The following HPSE2 variants were observed in gnomAD, a reference collection of about 807,000 sequenced individuals.
HPSE2 encodes inactive heparanase-2.
Under a neutral mutation model 60.5 loss-of-function variants are expected in HPSE2, and 38 were observed. The observed-to-expected ratio is 0.63, with a 90% CI of 0.48 to 0.82. The LOEUF is 0.82. Ranked by LOEUF, HPSE2 falls within the 40% of genes least tolerant of loss-of-function variation. HPSE2 has a pLI of 0.00. For missense variants in HPSE2, 713 were observed against 740.4 expected (o/e 0.96, Z 0.43); for synonymous variants, 295 against 293.2 (o/e 1.01, Z -0.06).
chr10:98,758,568 A>C (rs1466549877), intron 3 of HPSE2, among the ~76,000 whole-genome samples: 1 of 152,200 alleles, frequency 6.6e-6, no homozygotes. Flanking sequence ...CATGGCCCAC[A>C]AGCATATAAA....
At chr10:98,918,276 C>T (rs1368833535) in intron 3 of HPSE2, among the ~76,000 whole-genome samples, 1 of 152,120 alleles carries the variant, frequency 6.6e-6, no homozygotes, top group Non-Finnish European at 1.5e-5. Flanking sequence ...TGTGGCGATT[C>T]CTCAGGGATC....
chr10:99,192,828 TCAGA>T (rs1848266974), intron 2 of HPSE2, among the ~76,000 whole-genome samples: 1 of 152,090 alleles, frequency 6.6e-6, no homozygotes. Context: ...AAAAACTTTC[TCAGA>T]CAAACAAATG....
chr10:98,632,007 A>G (rs915444014), intron 7 of HPSE2, among the ~76,000 whole-genome samples: 8 of 152,200 alleles, frequency 5.3e-5, no homozygotes, highest in African/African-American at 1.9e-4. Context: ...CTCCTTTGAA[A>G]GCCTTCCTAA....
intron 3 of HPSE2, among the ~76,000 whole-genome samples, chr10:98,955,815 A>T (rs958750763): frequency 6.6e-6 from 1 of 152,304 alleles, no homozygotes; most frequent in Non-Finnish European, 1.5e-5. Flanking sequence ...AGGGACATGG[A>T]TGGAGCTGGA....
intron 9 of HPSE2, among the ~76,000 whole-genome samples, chr10:98,564,547 G>T (rs922287834): frequency 2.0e-5 from 3 of 152,078 alleles, no homozygotes; most frequent in African/African-American, 7.2e-5. Flanking sequence ...GAATTTTGTG[G>T]CTGCAAACTC....
intron 9 of HPSE2, among the ~76,000 whole-genome samples, chr10:98,559,819 G>A (rs1473951814): frequency 3.3e-5 from 5 of 152,176 alleles, no homozygotes; most frequent in Non-Finnish European, 7.3e-5. Context: ...TGGGGGTTCT[G>A]GAGAGGCCTT....
At chr10:99,125,105 C>A (rs1314450038) in intron 3 of HPSE2, among the ~76,000 whole-genome samples, 1 of 152,134 alleles carries the variant, frequency 6.6e-6, no homozygotes, top group African/African-American at 2.4e-5. Context: ...TACCCATGCC[C>A]CCAATCAGGC....
At chr10:98,842,664 A>G (rs1951943539) in intron 3 of HPSE2, among the ~76,000 whole-genome samples, 2 of 152,000 alleles carry the variant, frequency 1.3e-5, no homozygotes, top group African/African-American at 4.8e-5. Context: ...CTCCCACCAG[A>G]GTGGTACATT....
chr10:98,987,914 A>G (rs545448141), intron 3 of HPSE2, among the ~76,000 whole-genome samples: 49 of 152,320 alleles, frequency 3.2e-4, no homozygotes, highest in Admixed American at 2.6e-3. Flanking sequence ...AGAGAATAAA[A>G]TACCTAGGAA....
intron 3 of HPSE2, among the ~76,000 whole-genome samples, chr10:99,110,397 C>T (rs1330368833): frequency 6.6e-6 from 1 of 152,092 alleles, no homozygotes; most frequent in Non-Finnish European, 1.5e-5. Context: ...GTCCTACTTG[C>T]CCTATGAGAA....
rs1297628258 is a variant in HPSE2, at chr10:99,235,507, C to T, written c.290+6G>A. 2 of 1,613,908 alleles carry T rather than the reference C, an allele frequency of 1.2e-6. No homozygotes were observed. Among genetic ancestry groups the T allele is most frequent in the Non-Finnish European group, 1.7e-6 (2 of 1,179,990 alleles). On this transcript the variant is annotated splice_donor_region_variant and intron_variant, in intron 1 of 11. Transcript: ENST00000370552. ...TTTAAATGATCCATCGAAACCCCTG[C>T]CTTACCTTAGGAAATCGAGCCAGCC...
chr10:98,852,584 C>G (rs76334249), intron 3 of HPSE2, among the ~76,000 whole-genome samples: 3 of 152,212 alleles, frequency 2.0e-5, no homozygotes, highest in East Asian at 3.9e-4. Flanking sequence ...AGAATTTGAA[C>G]AGACAGGCCT....
At chr10:98,504,506 G>A (rs1465408425) in intron 9 of HPSE2, among the ~76,000 whole-genome samples, 2 of 152,238 alleles carry the variant, frequency 1.3e-5, no homozygotes, top group East Asian at 3.9e-4. Flanking sequence ...CTGTAATAGG[G>A]CCAGGTGCAT....
chr10:98,515,860 C>A (rs1007932847), intron 9 of HPSE2, among the ~76,000 whole-genome samples: 3 of 152,150 alleles, frequency 2.0e-5, no homozygotes, highest in African/African-American at 7.2e-5. Context: ...TTTTCTACAG[C>A]ACTACAAGCA....
chr10:98,758,487 C>G (rs777792056), intron 3 of HPSE2, among the ~76,000 whole-genome samples: 32 of 152,074 alleles, frequency 2.1e-4, no homozygotes, highest in Admixed American at 3.9e-4. Flanking sequence ...AATTAACAAG[C>G]AAAAGCCAAA....
At chr10:99,008,305 C>T (rs990327146) in intron 3 of HPSE2, among the ~76,000 whole-genome samples, 1 of 152,168 alleles carries the variant, frequency 6.6e-6, no homozygotes, top group African/African-American at 2.4e-5. Context: ...GTTTTAATAA[C>T]TAATACTGCT....
chr10:99,179,910 G>T (rs1847691353), intron 2 of HPSE2, among the ~76,000 whole-genome samples: 1 of 152,042 alleles, frequency 6.6e-6, no homozygotes, highest in Admixed American at 6.5e-5. Flanking sequence ...TATCAAAACA[G>T]ATATATATAC....
chr10:98,926,653 G>A (rs552043565), intron 3 of HPSE2, among the ~76,000 whole-genome samples: 1 of 152,108 alleles, frequency 6.6e-6, no homozygotes. Flanking sequence ...CTGTCTTCAA[G>A]GCACCAATAA....
chr10:98,816,722 C>CT (rs1165282220), intron 3 of HPSE2, among the ~76,000 whole-genome samples: 1 of 152,180 alleles, frequency 6.6e-6, no homozygotes, highest in Non-Finnish European at 1.5e-5. Flanking sequence ...CCATAAACAA[C>CT]TTTTTGTGAA....
Sources: gnomAD v4.1 joint callset for allele counts (sites outside exome capture counted in the v4.1 genomes callset) on GRCh38, gnomAD v4.1.1 for gene constraint, MANE v1.5 for transcripts, NCBI Gene and HGNC (gene_info 2026-07-23, HGNC 2026-07-21) for gene names.